Variants in PLPBP observed in about 807,000 individuals in gnomAD.
The protein encoded by PLPBP is pyridoxal phosphate homeostasis protein.
In PLPBP, 21 loss-of-function variants were observed where a neutral mutation model predicts 31.2. The ratio of observed to expected loss-of-function variants is 0.67; its 90% confidence interval spans 0.48 to 0.97. PLPBP has a LOEUF of 0.97. PLPBP is among the 50% of genes least tolerant of loss of function. PLPBP has a pLI of 0.00. For missense variants in PLPBP, 308 were observed against 354.4 expected, an observed-to-expected ratio of 0.87 and a Z score of 1.05; for synonymous variants, 124 against 135.6, an observed-to-expected ratio of 0.91 and a Z score of 0.59.
At chr8:37,769,865 A>G (rs1159721505) in intron 4 of PLPBP, among the ~76,000 whole-genome samples, 2 of 152,232 alleles carry the variant, frequency 1.3e-5, no homozygotes, top group Non-Finnish European at 2.9e-5. Context: ...TGATCTGGAA[A>G]AGAAATCAGG....
intron 1 of PLPBP, among the ~76,000 whole-genome samples, chr8:37,764,011 G>C (rs1360183208): frequency 6.6e-6 from 1 of 150,688 alleles, no homozygotes; most frequent in East Asian, 1.9e-4. Context: ...ACATAGGTCT[G>C]ATCCTGAATC....
Position 37,772,888 on chromosome 8 carries a change from G to C in PLPBP, c.453G>C (p.Glu151Asp). The C allele has an allele frequency of 1.2e-6, 2 of 1,614,140 alleles. No homozygotes were observed. The highest frequency in any genetic ancestry group is 1.7e-6 in the Non-Finnish European group (2 of 1,179,992). Reference sequence around the variant, plus strand: ...TCCAGATTAACACCAGCGGAGAAGAGAGTAAGTAACCAGACCTGAATTGTA... The same window carrying C: ...TCCAGATTAACACCAGCGGAGAAGACAGTAAGTAACCAGACCTGAATTGTA... ...VMVQINTSGE[E>D]SKHGLPPSET... The change falls in exon 5 of 8, where the codon GAG (glutamate) becomes GAC (aspartate). Residue 151 changes from glutamate (E) to aspartate (D), a missense_variant and splice_region_variant. Coordinates refer to ENST00000328195, the MANE Select transcript of PLPBP (RefSeq NM_007198.4).
Position 37,778,355 on chromosome 8 carries a change from A to G in PLPBP, c.*251A>G. 3.3e-6 allele frequency: 1 copy of G among 305,576 alleles called. No individual in the cohort carries two copies. The highest frequency in any genetic ancestry group is 4.5e-5 in the South Asian group (1 of 22,006). 18.9% of individuals were successfully genotyped at this position (305,576 alleles called of 1,614,324 possible). On this transcript the variant is annotated 3_prime_UTR_variant, in exon 8 of 8. Transcript: ENST00000328195. ...AAATCAATAGCTAGGAATCATGTTC[A>G]ATATTGAATTCTGCCCAGGAGCATG...
intron 7 of PLPBP, among the ~76,000 whole-genome samples, chr8:37,776,488 AAAAAAAAAAAAAAAAC>A (rs1563327996): frequency 4.0e-5 from 6 of 150,174 alleles, no homozygotes; most frequent in Admixed American, 3.3e-4. Context: ...CAAAAAAAAA[AAAAAAAAAAAAAAAAC>A]AAAAGAAAGA....
rs1478670255 is a variant in PLPBP, at chr8:37,777,959, C to G, written c.697-14C>G. The G allele has an allele frequency of 6.2e-7, 1 of 1,607,386 alleles. No homozygotes were observed. The highest frequency in any genetic ancestry group is 1.1e-5 in the South Asian group (1 of 90,814). The stretch of plus-strand genomic sequence containing the variant: ...TTAAACCTGGTCCTCGATACCTTCT[C>G]TTTTTTCCCACAGGTTGAAGTAGGA... On this transcript the variant is annotated splice_polypyrimidine_tract_variant and intron_variant, in intron 7 of 7. Coordinates refer to ENST00000328195, the MANE Select transcript of PLPBP (RefSeq NM_007198.4).
intron 7 of PLPBP, among the ~76,000 whole-genome samples, chr8:37,777,035 G>A (rs1803930780): frequency 6.6e-6 from 1 of 152,168 alleles, no homozygotes; most frequent in Admixed American, 6.5e-5. Context: ...CCAAAGTGAT[G>A]GGATTACAGG....
intron 1 of PLPBP, 45 bp from the exon 2 acceptor site, chr8:37,765,481 A>G (rs1803599085): frequency 6.5e-7 from 1 of 1,540,800 alleles, no homozygotes; most frequent in Non-Finnish European, 9.0e-7. Flanking sequence ...TCATTGGGGT[A>G]CTGTTCCCAA....
intron 1 of PLPBP, among the ~76,000 whole-genome samples, chr8:37,763,893 A>G (rs528622086): frequency 1.3e-5 from 2 of 152,256 alleles, no homozygotes; most frequent in South Asian, 2.1e-4. Context: ...AGAAGACTAA[A>G]TCGTGCAAGG....
chr8:37,768,525 T>G (rs1803694507), intron 4 of PLPBP, among the ~76,000 whole-genome samples: 1 of 143,128 alleles, frequency 7.0e-6, no homozygotes, highest in African/African-American at 2.6e-5. Context: ...CGGGCTGGAG[T>G]GCAGTGGTGC....
At chr8:37,763,146 G>A (rs927610407) in intron 1 of PLPBP, among the ~76,000 whole-genome samples, 1 of 152,178 alleles carries the variant, frequency 6.6e-6, no homozygotes, top group African/African-American at 2.4e-5. Context: ...AGACGCCCGA[G>A]ATCGCGTGTG....
chr8:37,767,723 A>C (rs995633326), intron 4 of PLPBP, among the ~76,000 whole-genome samples: 1 of 152,100 alleles, frequency 6.6e-6, no homozygotes, highest in Non-Finnish European at 1.5e-5. Context: ...GCTGAATCAC[A>C]AGTTAAGTGT....
intron 4 of PLPBP, among the ~76,000 whole-genome samples, chr8:37,767,160 T>G (rs185732303): frequency 9.2e-5 from 14 of 151,950 alleles, no homozygotes; most frequent in African/African-American, 3.4e-4. Context: ...TTAAATAACC[T>G]GTATATATTT....
chr8:37,763,531 G>A (rs1399161187), intron 1 of PLPBP, among the ~76,000 whole-genome samples: 1 of 151,970 alleles, frequency 6.6e-6, no homozygotes, highest in Non-Finnish European at 1.5e-5. Flanking sequence ...CCTTGAACAA[G>A]TCAGGTAACT....
intron 7 of PLPBP, 120 bp downstream of exon 7, chr8:37,776,136 G>C: frequency 1.1e-6 from 1 of 892,514 alleles, no homozygotes; most frequent in Non-Finnish European, 1.8e-6. Flanking sequence ...TGGCAGTAAG[G>C]TACCCAGTGT....
At position 37,765,591 on chromosome 8, in the gene PLPBP, C is replaced by T. The variant is rs372146404; in HGVS notation, c.165C>T (p.Ile55=). Residue 55 remains isoleucine, a synonymous_variant, in exon 2 of 8, where the codon ATC becomes ATT. Transcript: ENST00000328195. ...VSKTKPADMV[I]EAYGHGQRTF... is the part of the protein sequence containing the mutation. ...AAACCAAACCTGCAGACATGGTGAT[C>T]GAGGCCTATGGACATGGGCAGCGCA... 9.9e-6 allele frequency: 16 copies of T among 1,613,998 alleles called. No individual in the cohort carries two copies. The highest frequency in any genetic ancestry group is 5.3e-5 in the African/African-American group (4 of 74,928).
At chr8:37,767,936 GC>G (rs201898517) in intron 4 of PLPBP, among the ~76,000 whole-genome samples, 6,691 of 151,228 alleles carry the variant, frequency 0.044, 513 homozygotes, top group African/African-American at 0.15. Flanking sequence ...CTTCCGAGTA[GC>G]TAGGATTACA....
intron 2 of PLPBP, 25 bp downstream of exon 2, chr8:37,765,658 T>C: frequency 6.2e-7 from 1 of 1,614,232 alleles, no homozygotes; most frequent in Non-Finnish European, 8.5e-7. Flanking sequence ...CTGAAGCCCT[T>C]TGGAAGCATC....
rs1418515650 is a variant in PLPBP at position 37,778,573 on chromosome 8, TC to T, written c.*472del. On this transcript the variant is annotated 3_prime_UTR_variant, in exon 8 of 8. Coordinates refer to ENST00000328195, the MANE Select transcript of PLPBP (RefSeq NM_007198.4). ...AAGGTGATTTCTGCCCCCAGATTCT[TC>T]CCTAGCCGGTAGATACGTGAAGATA... is the stretch of plus-strand genomic sequence containing the variant. 6.5e-6 allele frequency: 1 copy of T among 153,356 alleles called. No homozygotes were observed. The highest frequency in any genetic ancestry group is 1.5e-5 in the Non-Finnish European group (1 of 68,848). The allele number at this position is 153,356 out of a possible 1,614,324, so 9.5% of individuals were successfully genotyped here. A position where few individuals can be genotyped will look rare whatever the true frequency, so the allele number is the denominator to read the frequency against.
At chr8:37,775,240 G>T in intron 5 of PLPBP, 99 bp from the exon 6 acceptor site, 6 of 1,392,148 alleles carry the variant, frequency 4.3e-6, no homozygotes, top group Non-Finnish European at 6.0e-6. Flanking sequence ...TTCTCTTGTT[G>T]GGGGTCACCT....
Sources: gnomAD v4.1 joint callset for allele counts (sites outside exome capture counted in the v4.1 genomes callset) on GRCh38, gnomAD v4.1.1 for gene constraint, MANE v1.5 for transcripts, NCBI Gene and HGNC (gene_info 2026-07-23, HGNC 2026-07-21) for gene names.